The following DENND2D variants were observed in gnomAD, a reference collection of about 807,000 sequenced individuals.
DENND2D encodes DENN domain-containing protein 2D.
A neutral mutation model predicts 59.8 loss-of-function variants in DENND2D; 37 were observed. The observed-to-expected ratio is 0.62, with a 90% CI of 0.48 to 0.81. DENND2D has a LOEUF of 0.81. Among genes scored for constraint, DENND2D ranks in the 40% least tolerant of loss-of-function variants. The pLI is 0.00. For synonymous variants in DENND2D, 219 were observed against 211.3 expected (o/e 1.04, Z -0.31); for missense variants, 525 against 579.7 (o/e 0.91, Z 0.97).
upstream of DENND2D, chr1:111,200,727 C>T: frequency 2.4e-6 from 3 of 1,259,376 alleles, no homozygotes; most frequent in Non-Finnish European, 3.0e-6. Context: ...CAGCTCCTCC[C>T]AAGAGCCCCA....
intron 7 of DENND2D, among the ~76,000 whole-genome samples, chr1:111,192,543 T>C (rs1220313745): frequency 1.3e-5 from 2 of 152,174 alleles, no homozygotes; most frequent in Non-Finnish European, 2.9e-5. Context: ...GGCCTTGATT[T>C]GACCCTTCTT....
chr1:111,197,017 G>A (rs907232064), intron 5 of DENND2D, 159 bp downstream of exon 5: 5 of 788,494 alleles, frequency 6.3e-6, no homozygotes, highest in Non-Finnish European at 1.0e-5. Flanking sequence ...TTTCCCTTAA[G>A]TCAAGTGCAT....
At chr1:111,199,390 T>A (rs1290859785) in intron 2 of DENND2D, among the ~76,000 whole-genome samples, 3 of 152,182 alleles carry the variant, frequency 2.0e-5, no homozygotes, top group African/African-American at 4.8e-5. Flanking sequence ...CTAGTTTCCC[T>A]GCTAGGAAGC....
At chr1:111,201,644 A>G (rs767306187), upstream of DENND2D, among the ~76,000 whole-genome samples, 1 of 152,240 alleles carries the variant, frequency 6.6e-6, no homozygotes, top group Non-Finnish European at 1.5e-5. Flanking sequence ...GGCTTTTACC[A>G]GGAAGCTGCC....
chr1:111,201,485 C>T (rs1658795871), upstream of DENND2D: 1 of 152,368 alleles, frequency 6.6e-6, no homozygotes, highest in South Asian at 2.1e-4. Context: ...CAGCCTTCCT[C>T]CGGGTCAGGC....
upstream of DENND2D, among the ~76,000 whole-genome samples, chr1:111,202,724 C>CACACACACAT (rs1334327826): frequency 1.7e-3 from 264 of 151,926 alleles, no homozygotes; most frequent in African/African-American, 5.8e-3. Context: ...CACACACACA[C>CACACACACAT]ACTCCCTCCT....
intron 9 of DENND2D, among the ~76,000 whole-genome samples, 182 bp from the exon 10 acceptor site, chr1:111,188,968 A>T (rs1446527683): frequency 8.5e-5 from 13 of 152,128 alleles, no homozygotes; most frequent in Non-Finnish European, 1.5e-5. Context: ...TTAGCAAGGG[A>T]TCCTCTCCAT....
intron 4 of DENND2D, 198 bp downstream of exon 4, chr1:111,197,722 G>C (rs1167580403): frequency 4.9e-6 from 7 of 1,424,202 alleles, no homozygotes; most frequent in South Asian, 4.5e-5. Context: ...CTGACCAGCA[G>C]CGGGAGAAGG....
rs1442132081 is a variant in DENND2D at position 111,188,291 on chromosome 1, A to G, written c.1179T>C (p.Tyr393=). 4 of 1,614,050 alleles carry G rather than the reference A, an allele frequency of 2.5e-6. No individual in the cohort carries two copies. Among genetic ancestry groups the G allele is most frequent in the African/African-American group, 1.3e-5 (1 of 74,916 alleles). The change falls in exon 11 of 12, where the codon TAT becomes TAC. Residue 393 remains tyrosine (Y), a synonymous_variant. Coordinates refer to ENST00000357640, the MANE Select transcript of DENND2D (RefSeq NM_024901.5). The part of the protein sequence containing the change: ...FVKIVGHYAS[Y]IKREANGQGH... ...CTTGCCCATTTGCCTCCCGCTTGAT[A>G]TAGGAAGCATAATGGCCCACAATCT...
intron 6 of DENND2D, chr1:111,195,503 G>T: frequency 4.9e-6 from 1 of 206,010 alleles, no homozygotes; most frequent in Non-Finnish European, 1.0e-5. Flanking sequence ...ATTCCCCTGT[G>T]CATGGGTGGA....
intron 1 of DENND2D, 107 bp downstream of exon 1, chr1:111,200,286 G>A: frequency 6.8e-7 from 1 of 1,461,992 alleles, no homozygotes; most frequent in Non-Finnish European, 9.3e-7. Context: ...GGAACCATGT[G>A]GAGGCCGAGA....
chr1:111,194,348 A>T (rs896339358), intron 7 of DENND2D, among the ~76,000 whole-genome samples: 3 of 152,276 alleles, frequency 2.0e-5, no homozygotes, highest in Admixed American at 6.5e-5. Flanking sequence ...TCCTTCCCCA[A>T]GCTAAGTCAG....
rs1658483910 is a variant in DENND2D at position 111,198,629 on chromosome 1, C to A, written c.356+1G>T. On this transcript the variant is annotated splice_donor_variant, in intron 3 of 11. Transcript: ENST00000357640. LOFTEE classifies it high-confidence loss of function. ...ACCCTTGCCCAGGGCTGAGCAATTA[C>A]CTGGGATACTCGGTGAGTGATGCCC... The A allele has an allele frequency of 6.2e-6, 10 of 1,614,048 alleles. No individual in the cohort carries two copies. The highest frequency in any genetic ancestry group is 8.5e-6 in the Non-Finnish European group (10 of 1,179,964).
chr1:111,196,107 C>T (rs1658202881), intron 5 of DENND2D, 51 bp from the exon 6 acceptor site: 2 of 1,549,094 alleles, frequency 1.3e-6, no homozygotes, highest in South Asian at 2.5e-5. Context: ...CACTACCAGG[C>T]AGGTGGAAGA....
intron 4 of DENND2D, chr1:111,197,683 T>C: frequency 7.2e-7 from 1 of 1,393,844 alleles, no homozygotes; most frequent in Non-Finnish European, 9.3e-7. Context: ...TTAGTTGTAT[T>C]GAAAGCCAGA....
chr1:111,200,615 C>A lies in DENND2D; in HGVS notation c.-156G>T. 6.9e-7 allele frequency: 1 copy of A among 1,443,724 alleles called. No homozygotes were observed. 89.4% of individuals were successfully genotyped at this position (1,443,724 alleles called of 1,614,324 possible). A position where few individuals can be genotyped will look rare whatever the true frequency, so the allele number is the denominator to read the frequency against. On this transcript the variant is annotated 5_prime_UTR_variant, in exon 1 of 12. In the 5' UTR this introduces an upstream ATG that the reference lacks. Coordinates refer to ENST00000357640, the MANE Select transcript of DENND2D (RefSeq NM_024901.5). ...CAGAGAGGGAATAGAAGTTTCCATC[C>A]TGTGCACCCAGTGGTTGAGCAAGAA...
rs368968192 is a variant in DENND2D at position 111,192,286 on chromosome 1, C to T, written c.826G>A (p.Ala276Thr). 15 of 1,610,388 alleles carry T rather than the reference C, an allele frequency of 9.3e-6. No homozygotes were observed. Among genetic ancestry groups the T allele is most frequent in the East Asian group, 2.2e-5 (1 of 44,794 alleles). ...TLSQCIHAAA[A>T]LLYPFSWAHT... The stretch of plus-strand genomic sequence containing the variant: ...GCCCAGCTGAAGGGGTAGAGCAGTG[C>T]GGCAGCAGCATGGATGCACTGAGAC... Residue 276 changes from alanine to threonine, a missense_variant, in exon 8 of 12, where the codon GCA becomes ACA. Ala to Thr is a moderately conservative substitution (Grantham distance 58). Transcript: ENST00000357640.
chr1:111,187,708 G>C, intron 11 of DENND2D, 27 bp from the exon 12 acceptor site: 1 of 1,575,482 alleles, frequency 6.3e-7, no homozygotes, highest in South Asian at 1.1e-5. Context: ...AGGTGTTAGA[G>C]GCATCTGATC....
intron 5 of DENND2D, chr1:111,196,900 C>A (rs1458909183): frequency 2.5e-6 from 1 of 401,956 alleles, no homozygotes; most frequent in Non-Finnish European, 4.6e-6. Context: ...AAACTCAGGG[C>A]AGAAGTTTCT....
Sources: gnomAD v4.1 joint callset for allele counts (sites outside exome capture counted in the v4.1 genomes callset) on GRCh38, gnomAD v4.1.1 for gene constraint, MANE v1.5 for transcripts, NCBI Gene and HGNC (gene_info 2026-07-23, HGNC 2026-07-21) for gene names.